The following RAD51B variants were observed in gnomAD, a reference collection of about 807,000 sequenced individuals.
RAD51B encodes the protein DNA repair protein RAD51 homolog 2.
A neutral mutation model predicts 42.2 loss-of-function variants in RAD51B; 38 were observed. The observed-to-expected ratio is 0.90, with a 90% confidence interval of 0.70 to 1.18. The LOEUF (loss-of-function observed/expected upper bound fraction) is 1.18. RAD51B is among the 50% of genes most tolerant of loss of function. The pLI is 0.00. For missense variants in RAD51B, 373 were observed against 400.7 expected (o/e 0.93, Z 0.59); for synonymous variants, 154 against 145.2 (o/e 1.06, Z -0.43).
rs554074694 is a variant in RAD51B at position 68,381,474 on chromosome 14, G to C, written c.854-29950G>C. Among the ~76,000 whole-genome samples the C allele has an allele frequency of 3.1e-3, 472 of 152,206 alleles. 2 individuals carry two copies. Among genetic ancestry groups the C allele is most frequent in the African/African-American group, 0.011 (447 of 41,518 alleles). The stretch of plus-strand genomic sequence containing the variant: ...GCAGATCACAAGGTCAGGAGATCGA[G>C]ACCATCCTGGCCAACATGGTGAAAC... On this transcript the variant is annotated intron_variant, in intron 8 of 10. Coordinates refer to ENST00000471583, the MANE Select transcript of RAD51B (RefSeq NM_133510.4).
chr14:68,147,846 A>T (rs2078286398), intron 7 of RAD51B, among the ~76,000 whole-genome samples: 1 of 151,940 alleles, frequency 6.6e-6, no homozygotes, highest in South Asian at 2.1e-4. Flanking sequence ...ACTGACATCC[A>T]ATAAACAGCA....
chr14:68,538,595 GA>G (rs1887777794), intron 10 of RAD51B, among the ~76,000 whole-genome samples: 2 of 151,440 alleles, frequency 1.3e-5, no homozygotes, highest in South Asian at 4.2e-4. Context: ...TGGGCTTGCA[GA>G]ACGCCAACAT....
At chr14:68,668,312 G>A (rs1179582280) in intron 11 of RAD51B, among the ~76,000 whole-genome samples, 1 of 152,210 alleles carries the variant, frequency 6.6e-6, no homozygotes, top group Non-Finnish European at 1.5e-5. Flanking sequence ...AGCCTCATGA[G>A]AGTTTTGTCT....
intron 7 of RAD51B, among the ~76,000 whole-genome samples, chr14:67,984,676 C>T (rs551730807): frequency 6.6e-6 from 1 of 152,308 alleles, no homozygotes; most frequent in South Asian, 2.1e-4. Flanking sequence ...ACCACATCAG[C>T]ATAAAACCTT....
intron 7 of RAD51B, among the ~76,000 whole-genome samples, chr14:68,256,569 C>T (rs1422926682): frequency 1.3e-5 from 2 of 152,146 alleles, no homozygotes; most frequent in Admixed American, 6.5e-5. Context: ...GCGAAAGAGG[C>T]CTGAAGTCAC....
At chr14:67,848,765 T>A (rs2041708280) in intron 4 of RAD51B, among the ~76,000 whole-genome samples, 1 of 152,226 alleles carries the variant, frequency 6.6e-6, no homozygotes. Context: ...GGACCTCTTA[T>A]AAGGCTGTTC....
At chr14:67,964,829 T>C (rs1276538614) in intron 7 of RAD51B, among the ~76,000 whole-genome samples, 1 of 152,210 alleles carries the variant, frequency 6.6e-6, no homozygotes, top group African/African-American at 2.4e-5. Context: ...TGGACCTTCT[T>C]GTTAAAAGCC....
chr14:68,034,990 A>G (rs2076099173), intron 7 of RAD51B, among the ~76,000 whole-genome samples: 1 of 152,176 alleles, frequency 6.6e-6, no homozygotes, highest in South Asian at 2.1e-4. Context: ...CCAAACTTAA[A>G]TATATACCAG....
At position 68,477,701 on chromosome 14, in the gene RAD51B, T is replaced by C. The variant is rs1882810384; in HGVS notation, c.*37T>C. The C allele has an allele frequency of 1.2e-6, 2 of 1,609,130 alleles. No individual in the cohort carries two copies. The highest frequency in any genetic ancestry group is 8.5e-7 in the Non-Finnish European group (1 of 1,178,784). On this transcript the variant is annotated 3_prime_UTR_variant, in exon 11 of 11. Transcript: ENST00000471583. Reference sequence around the variant, plus strand: ...CCTTTGTCTAGAGTTGATGGGGGTGTGATTTGTGAAATAAAACAGGACCGT... The same window carrying C: ...CCTTTGTCTAGAGTTGATGGGGGTGCGATTTGTGAAATAAAACAGGACCGT...
chr14:68,625,854 G>A (rs1028223652), intron 10 of RAD51B, among the ~76,000 whole-genome samples: 2 of 152,120 alleles, frequency 1.3e-5, no homozygotes, highest in Non-Finnish European at 2.9e-5. Context: ...TGCCCCGCAA[G>A]AAGCAAATCT....
chr14:68,407,970 C>G (rs1055338320), intron 8 of RAD51B, among the ~76,000 whole-genome samples: 1 of 152,056 alleles, frequency 6.6e-6, no homozygotes, highest in African/African-American at 2.4e-5. Context: ...TTTGAGCCTG[C>G]TGGTTGTAAA....
chr14:68,636,508 A>G (rs1267664564), intron 10 of RAD51B, among the ~76,000 whole-genome samples: 1 of 147,338 alleles, frequency 6.8e-6, no homozygotes, highest in Non-Finnish European at 1.5e-5. Flanking sequence ...GCTTGAACCC[A>G]GGAGGCGGAG....
chr14:68,173,819 T>G (rs1479738549), intron 7 of RAD51B, among the ~76,000 whole-genome samples: 1 of 152,110 alleles, frequency 6.6e-6, no homozygotes, highest in Non-Finnish European at 1.5e-5. Flanking sequence ...TTAAGATGAG[T>G]AAAAGTCTTA....
intron 7 of RAD51B, among the ~76,000 whole-genome samples, chr14:68,182,363 T>G (rs1369467811): frequency 1.3e-5 from 2 of 152,268 alleles, no homozygotes; most frequent in African/African-American, 4.8e-5. Context: ...TTTTACATAT[T>G]ATAGACAAAT....
intron 8 of RAD51B, among the ~76,000 whole-genome samples, chr14:68,334,134 A>G (rs1178560062): frequency 6.6e-6 from 1 of 152,152 alleles, no homozygotes; most frequent in East Asian, 1.9e-4. Flanking sequence ...GCTGAATAGT[A>G]GAGTCAACCC....
intron 7 of RAD51B, among the ~76,000 whole-genome samples, chr14:68,054,266 G>C (rs1890097770): frequency 6.6e-6 from 1 of 152,010 alleles, no homozygotes; most frequent in African/African-American, 2.4e-5. Flanking sequence ...CTTTAGTCTG[G>C]AACAATTTAT....
intron 5 of RAD51B, among the ~76,000 whole-genome samples, chr14:67,876,738 C>T (rs964998255): frequency 1.3e-5 from 2 of 152,242 alleles, no homozygotes; most frequent in South Asian, 2.1e-4. Context: ...AGAAATGAGT[C>T]GTTCTGGCAG....
chr14:68,297,936 T>C (rs186617366), intron 8 of RAD51B, among the ~76,000 whole-genome samples: 30 of 152,254 alleles, frequency 2.0e-4, no homozygotes, highest in African/African-American at 5.8e-4. Flanking sequence ...TGTTTAAGTG[T>C]CCTGGTGACC....
At chr14:68,486,984 T>C (rs1439916338) in intron 10 of RAD51B, among the ~76,000 whole-genome samples, 2 of 152,146 alleles carry the variant, frequency 1.3e-5, no homozygotes, top group Non-Finnish European at 2.9e-5. Flanking sequence ...CACCTTCTCT[T>C]AGTACGTATT....
Sources: allele counts gnomAD v4.1 joint callset (sites outside exome capture counted in the v4.1 genomes callset), GRCh38; gene constraint gnomAD v4.1.1; transcripts MANE v1.5; gene names NCBI Gene and HGNC (gene_info 2026-07-23, HGNC 2026-07-21).